Variants in UBAP2 observed in about 807,000 individuals in gnomAD.
UBAP2 encodes ubiquitin-associated protein 2.
A neutral mutation model predicts 139.6 loss-of-function variants in UBAP2; 75 were observed. That is an observed-to-expected ratio of 0.54 (90% confidence interval 0.45 to 0.65). UBAP2 has a LOEUF of 0.65. UBAP2 is among the 30% of genes least tolerant of loss of function. UBAP2 has a pLI of 0.00. For missense variants in UBAP2, 1,368 were observed against 1,369.6 expected (o/e 1.00, Z 0.02); for synonymous variants, 526 against 526.2 (o/e 1.00, Z 0.01).
intron 1 of UBAP2, among the ~76,000 whole-genome samples, chr9:34,024,631 A>G (rs1235535884): frequency 1.3e-5 from 2 of 151,186 alleles, no homozygotes; most frequent in African/African-American, 4.9e-5. Flanking sequence ...GGGTCAGAAA[A>G]TAACTTTAAC....
chr9:33,923,597 T>C, intron 24 of UBAP2, 119 bp from the exon 25 acceptor site: 1 of 1,124,644 alleles, frequency 8.9e-7, no homozygotes, highest in East Asian at 2.3e-5. Flanking sequence ...GGACCTGTGT[T>C]TTCATTAGTG....
At chr9:34,026,717 A>G (rs1052887104) in intron 1 of UBAP2, among the ~76,000 whole-genome samples, 4 of 152,212 alleles carry the variant, frequency 2.6e-5, no homozygotes, top group African/African-American at 4.8e-5. Flanking sequence ...CCAACACTCT[A>G]GAGTACACAT....
intron 1 of UBAP2, among the ~76,000 whole-genome samples, chr9:34,034,899 GA>G (rs1206129389): frequency 6.7e-6 from 1 of 149,716 alleles, no homozygotes; most frequent in Non-Finnish European, 1.5e-5. Flanking sequence ...AAAAAAAAAC[GA>G]ATCGCTCAAC....
chr9:34,006,966 A>G (rs1414172701), intron 2 of UBAP2, among the ~76,000 whole-genome samples: 1 of 152,210 alleles, frequency 6.6e-6, no homozygotes, highest in East Asian at 1.9e-4. Flanking sequence ...CAATGTAGAC[A>G]GAGTACAACT....
chr9:34,003,022 C>A (rs1033090498), intron 2 of UBAP2, among the ~76,000 whole-genome samples: 1 of 151,934 alleles, frequency 6.6e-6, no homozygotes, highest in South Asian at 2.1e-4. Context: ...TTTATTACTA[C>A]TAAAACACTG....
intron 12 of UBAP2, among the ~76,000 whole-genome samples, chr9:33,949,954 T>A (rs1825965003): frequency 6.6e-6 from 1 of 152,170 alleles, no homozygotes; most frequent in African/African-American, 2.4e-5. Flanking sequence ...CAGGTCGAGA[T>A]CCAAAGAGAA....
intron 2 of UBAP2, among the ~76,000 whole-genome samples, chr9:34,006,133 C>T (rs1213036749): frequency 6.6e-6 from 1 of 150,976 alleles, no homozygotes; most frequent in African/African-American, 2.4e-5. Flanking sequence ...CTTGGAAAGC[C>T]GAAGCAGGAG....
At chr9:33,943,293 C>T in intron 15 of UBAP2, 127 bp downstream of exon 15, 1 of 912,508 alleles carries the variant, frequency 1.1e-6, no homozygotes, top group East Asian at 2.7e-5. Context: ...TATGGGGTTT[C>T]TTATGGAGAT....
chr9:33,955,066 G>A (rs1826432477), intron 11 of UBAP2, among the ~76,000 whole-genome samples: 1 of 151,820 alleles, frequency 6.6e-6, no homozygotes, highest in Non-Finnish European at 1.5e-5. Flanking sequence ...CTGTAATCTA[G>A]CAGAGTAAAA....
intron 1 of UBAP2, among the ~76,000 whole-genome samples, chr9:34,036,267 C>A (rs537535647): frequency 6.6e-6 from 1 of 152,108 alleles, no homozygotes; most frequent in African/African-American, 2.4e-5. Flanking sequence ...CAGGCACCCA[C>A]CGCCATGCCC....
intron 1 of UBAP2, among the ~76,000 whole-genome samples, chr9:34,018,659 C>G (rs557433071): frequency 4.7e-4 from 71 of 152,172 alleles, no homozygotes; most frequent in African/African-American, 1.6e-3. Flanking sequence ...GTCAGGAGAT[C>G]GAGACCATCC....
chr9:34,037,306 G>C (rs1420793782), intron 1 of UBAP2, among the ~76,000 whole-genome samples: 2 of 151,806 alleles, frequency 1.3e-5, no homozygotes, highest in African/African-American at 2.4e-5. Context: ...GCTAATTTTT[G>C]TATTTTTTGG....
intron 12 of UBAP2, among the ~76,000 whole-genome samples, chr9:33,951,036 A>AATT (rs1826050818): frequency 6.6e-6 from 1 of 152,118 alleles, no homozygotes; most frequent in Non-Finnish European, 1.5e-5. Context: ...GTTCATTATT[A>AATT]ATTATTATTT....
At chr9:34,025,657 C>T (rs1825341987) in intron 1 of UBAP2, among the ~76,000 whole-genome samples, 1 of 152,136 alleles carries the variant, frequency 6.6e-6, no homozygotes, top group Non-Finnish European at 1.5e-5. Context: ...GCCGAATAAA[C>T]CAACCTGATA....
At chr9:33,978,717 G>T (rs633706) in intron 6 of UBAP2, among the ~76,000 whole-genome samples, 60,484 of 151,668 alleles carry the variant, frequency 0.4, 12,444 homozygotes, top group South Asian at 0.48. Context: ...GAGGGGGAGC[G>T]TGCAATGAGC....
intron 1 of UBAP2, among the ~76,000 whole-genome samples, chr9:34,048,071 G>C (rs1332393987): frequency 1.3e-5 from 2 of 152,160 alleles, no homozygotes; most frequent in Non-Finnish European, 2.9e-5. Flanking sequence ...CAACTAATTA[G>C]ACTAAAAACT....
chr9:34,019,155 C>T (rs1226406576), intron 1 of UBAP2, among the ~76,000 whole-genome samples: 1 of 152,068 alleles, frequency 6.6e-6, no homozygotes, highest in East Asian at 1.9e-4. Context: ...AATCCCAGTA[C>T]TTTGGGAAGA....
chr9:34,011,541 A>C (rs1823751987), intron 2 of UBAP2: 1 of 805,588 alleles, frequency 1.2e-6, no homozygotes, highest in Admixed American at 6.2e-5. Flanking sequence ...CCCTGAGTCA[A>C]GAAAAAAATA....
intron 6 of UBAP2, among the ~76,000 whole-genome samples, chr9:33,978,457 C>A (rs941609674): frequency 6.6e-6 from 1 of 152,100 alleles, no homozygotes; most frequent in Admixed American, 6.6e-5. Flanking sequence ...AGACCGTATT[C>A]ATGCAATAAT....
Sources: allele counts gnomAD v4.1 joint callset (sites outside exome capture counted in the v4.1 genomes callset), GRCh38; gene constraint gnomAD v4.1.1; transcripts MANE v1.5; gene names NCBI Gene and HGNC (gene_info 2026-07-23, HGNC 2026-07-21).